Variants in KIF26B observed in about 807,000 individuals in gnomAD.
KIF26B encodes the protein kinesin-like protein KIF26B.
In KIF26B, 63 loss-of-function variants were observed where a neutral mutation model predicts 151.2. The observed-to-expected ratio is 0.42, with a 90% CI of 0.34 to 0.51. The LOEUF is 0.51. KIF26B is among the 20% of genes least tolerant of loss of function. The pLI is 0.07. For missense variants in KIF26B, 2,813 were observed against 2,913.6 expected (o/e 0.97, Z 0.79); for synonymous variants, 1,357 against 1,262.1 (o/e 1.08, Z -1.59).
At chr1:245,336,196 G>T (rs1352584417) in intron 2 of KIF26B, among the ~76,000 whole-genome samples, 2 of 152,256 alleles carry the variant, frequency 1.3e-5, no homozygotes, top group African/African-American at 4.8e-5. Flanking sequence ...CCCACGCAGG[G>T]ATTGCTGTTC....
At chr1:245,210,623 A>T (rs1426244989) in intron 2 of KIF26B, among the ~76,000 whole-genome samples, 1 of 151,740 alleles carries the variant, frequency 6.6e-6, no homozygotes, top group Non-Finnish European at 1.5e-5. Context: ...TGTTTAATGC[A>T]AATAAAAGAA....
At chr1:245,197,783 A>G (rs1669220992) in intron 2 of KIF26B, among the ~76,000 whole-genome samples, 1 of 152,192 alleles carries the variant, frequency 6.6e-6, no homozygotes, top group African/African-American at 2.4e-5. Flanking sequence ...TTAATGCCCA[A>G]AAGTAAAGTA....
chr1:245,252,418 G>A (rs1357235924), intron 2 of KIF26B, among the ~76,000 whole-genome samples: 1 of 151,900 alleles, frequency 6.6e-6, no homozygotes, highest in East Asian at 1.9e-4. Flanking sequence ...TGTTTTGTTG[G>A]AATTCTTCTT....
At chr1:245,501,906 C>T (rs190612501) in intron 4 of KIF26B, among the ~76,000 whole-genome samples, 7 of 152,260 alleles carry the variant, frequency 4.6e-5, no homozygotes, top group African/African-American at 1.4e-4. Flanking sequence ...ACTGCACTGC[C>T]GCACATTCAT....
At chr1:245,305,960 A>G (rs1467202124) in intron 2 of KIF26B, among the ~76,000 whole-genome samples, 1 of 151,266 alleles carries the variant, frequency 6.6e-6, no homozygotes, top group East Asian at 1.9e-4. Context: ...AAAAAAAAGA[A>G]AAGAAAATGT....
rs575706846 is a variant in KIF26B at position 245,417,938 on chromosome 1, G to T, written c.1000-1641G>T. The stretch of plus-strand genomic sequence containing the variant: ...CCAGGCAGAGTGGCTTGTTTCACAT[G>T]TCACGGTGTGTCAAAATCAGATGTA... On this transcript the variant is annotated intron_variant, in intron 3 of 14. Coordinates refer to ENST00000407071, the MANE Select transcript of KIF26B (RefSeq NM_018012.4). Among the ~76,000 whole-genome samples, 29 of 151,782 alleles carry T rather than the reference G, an allele frequency of 1.9e-4. 2 individuals are homozygous for T. The South Asian group carries it at 5.6e-3, about 29-fold the overall frequency.
chr1:245,362,866 C>G (rs990724618), intron 2 of KIF26B, among the ~76,000 whole-genome samples: 1 of 152,124 alleles, frequency 6.6e-6, no homozygotes, highest in Non-Finnish European at 1.5e-5. Context: ...TTCTAAGTAT[C>G]GAATCCTTAC....
chr1:245,248,202 C>T lies in KIF26B; in HGVS notation c.465+91519C>T, dbSNP rs182111572. Among the ~76,000 whole-genome samples, 25 of 152,082 alleles carry T rather than the reference C, an allele frequency of 1.6e-4. No homozygotes were observed. The East Asian group carries it at 3.7e-3, about 22-fold the overall frequency. ...ATAACTGAGCACATTGAGAAAGACA[C>T]GGCGACCTACTTGGGAACTTCAGCA... On this transcript the variant is annotated intron_variant, in intron 2 of 14. Coordinates refer to ENST00000407071, the MANE Select transcript of KIF26B (RefSeq NM_018012.4).
chr1:245,365,449 A>G (rs1672922567), intron 2 of KIF26B, among the ~76,000 whole-genome samples: 1 of 151,964 alleles, frequency 6.6e-6, no homozygotes, highest in African/African-American at 2.4e-5. Context: ...TGCAATCAAG[A>G]TGGATCCTAA....
In KIF26B at chr1:245,496,327, AG is replaced by A. The variant is rs1660513459; in HGVS notation, c.1167-44437del. On this transcript the variant is annotated intron_variant, in intron 4 of 14. Coordinates refer to ENST00000407071, the MANE Select transcript of KIF26B (RefSeq NM_018012.4). ...TGTAAAATGTTCAGAAAATAAATAT[AG>A]GGCAAATATAAATGAACATTGACCA... Among the ~76,000 whole-genome samples, 4 of 152,376 alleles carry A rather than the reference AG, an allele frequency of 2.6e-5. No individual in the cohort carries two copies. In the South Asian group the frequency reaches 8.3e-4, roughly 32 times the overall value.
At chr1:245,250,913 C>G (rs536748434) in intron 2 of KIF26B, among the ~76,000 whole-genome samples, 28 of 152,178 alleles carry the variant, frequency 1.8e-4, no homozygotes, top group Non-Finnish European at 3.7e-4. Flanking sequence ...TATAGTCCTA[C>G]TCACAGCAAA....
intron 2 of KIF26B, among the ~76,000 whole-genome samples, chr1:245,193,515 C>A (rs890321199): frequency 1.3e-5 from 2 of 151,570 alleles, no homozygotes; most frequent in Non-Finnish European, 2.9e-5. Context: ...TTTTAAATAA[C>A]CTTTTTTCAA....
At chr1:245,491,373 G>T (rs1284476165) in intron 4 of KIF26B, among the ~76,000 whole-genome samples, 1 of 152,134 alleles carries the variant, frequency 6.6e-6, no homozygotes, top group Non-Finnish European at 1.5e-5. Context: ...CTGTTATGCT[G>T]ATACAAAGAT....
intron 3 of KIF26B, among the ~76,000 whole-genome samples, chr1:245,398,600 C>T (rs529163177): frequency 1.1e-3 from 168 of 152,066 alleles, no homozygotes; most frequent in African/African-American, 2.0e-3. Context: ...TGATGAGAGG[C>T]GAGCCCTTTA....
rs575851173 is a variant in KIF26B at position 245,491,082 on chromosome 1, C to G, written c.1167-49685C>G. ...AATTTTTTCCTGTTTGATTTTGTTG[C>G]TGAGATTGGAGTTTGTCCCATGAGA... On this transcript the variant is annotated intron_variant, in intron 4 of 14. Coordinates refer to ENST00000407071, the MANE Select transcript of KIF26B (RefSeq NM_018012.4). Among the ~76,000 whole-genome samples, 284 of 151,984 alleles carry G rather than the reference C, an allele frequency of 1.9e-3. 8 individuals are homozygous for G. The highest frequency in any genetic ancestry group is 5.4e-3 in the South Asian group (26 of 4,816).
At chr1:245,403,595 TG>T (rs891025300) in intron 3 of KIF26B, among the ~76,000 whole-genome samples, 1 of 148,052 alleles carries the variant, frequency 6.8e-6, no homozygotes, top group Admixed American at 6.7e-5. Flanking sequence ...TGTGTGTGCA[TG>T]GGGGGTGTGT....
At chr1:245,437,169 G>A (rs1333019345) in intron 4 of KIF26B, among the ~76,000 whole-genome samples, 1 of 152,174 alleles carries the variant, frequency 6.6e-6, no homozygotes, top group Non-Finnish European at 1.5e-5. Context: ...TTACAGGCAT[G>A]AGCCACCGCA....
rs1350820789 is a variant in KIF26B, at chr1:245,688,432, G to A, written c.5449G>A (p.Gly1817Ser). 1.4e-6 allele frequency: 2 copies of A among 1,395,884 alleles called. No individual in the cohort carries two copies. Among genetic ancestry groups the A allele is most frequent in the South Asian group, 1.7e-5 (1 of 60,234 alleles). 86.5% of individuals were successfully genotyped at this position (1,395,884 alleles called of 1,614,324 possible). A position where few individuals can be genotyped will look rare whatever the true frequency, so the allele number is the denominator to read the frequency against. ...RISELLQGGA[G>S]ARGLQLRAGP... ...CTCGGAGCTGCTGCAGGGTGGCGCG[G>A]GCGCCCGGGGCTTGCAGCTGCGGGC... is the stretch of plus-strand genomic sequence containing the variant. Residue 1817 changes from glycine to serine, a missense_variant, in exon 12 of 15, where the codon GGC becomes AGC. Around this residue, in one of 3 missense-constraint regions of KIF26B, gnomAD observed 2,060 missense variants for 2,088.6 expected, o/e 0.99. Coordinates refer to ENST00000407071, the MANE Select transcript of KIF26B (RefSeq NM_018012.4).
At position 245,563,767 on chromosome 1, in the gene KIF26B, C is replaced by T. The variant is rs1213741556; in HGVS notation, c.1350+22817C>T. 7.0e-6 allele frequency among the ~76,000 whole-genome samples: 1 copy of T among 142,694 alleles called. No individual in the cohort carries two copies. Among genetic ancestry groups the T allele is most frequent in the Admixed American group, 7.5e-5 (1 of 13,324 alleles). 93.6% of individuals were successfully genotyped at this position (142,694 alleles called of 152,430 possible). A position where few individuals can be genotyped will look rare whatever the true frequency, so the allele number is the denominator to read the frequency against. Reference sequence around the variant, plus strand: ...TGTTGTTTAGATTTAGAATATGTAACGCAATTACCGCTGCGTTACCAGCAA... The same window carrying T: ...TGTTGTTTAGATTTAGAATATGTAATGCAATTACCGCTGCGTTACCAGCAA... On this transcript the variant is annotated intron_variant, in intron 5 of 14. Transcript: ENST00000407071. This position sits in a 1 kb window ranked among gnomAD's most constrained non-coding sequence, Gnocchi z 4.6.
Sources: allele counts gnomAD v4.1 joint callset (sites outside exome capture counted in the v4.1 genomes callset), GRCh38; gene constraint gnomAD v4.1.1; regional missense constraint gnomAD v4.1.1; non-coding constraint Gnocchi (gnomAD v3.1); transcripts MANE v1.5; gene names NCBI Gene and HGNC (gene_info 2026-07-23, HGNC 2026-07-21).